Variants in SRBD1 observed in about 807,000 individuals in gnomAD.
SRBD1 encodes S1 RNA-binding domain-containing protein 1.
SRBD1 carries 88 observed loss-of-function variants against 115.3 expected under a neutral mutation model. The observed-to-expected ratio is 0.76, with a 90% confidence interval of 0.64 to 0.91. The LOEUF is 0.91. SRBD1 is among the 40% of genes least tolerant of loss of function. The pLI is 0.00. For synonymous variants in SRBD1, 509 were observed against 407.7 expected (o/e 1.25, Z -2.99); for missense variants, 1,385 against 1,177.4 (o/e 1.18, Z -2.58).
At chr2:45,470,431 T>C (rs1057061348) in intron 16 of SRBD1, among the ~76,000 whole-genome samples, 3 of 152,142 alleles carry the variant, frequency 2.0e-5, no homozygotes, top group Non-Finnish European at 4.4e-5. Flanking sequence ...AAAACTTATT[T>C]TGGCCAACCA....
intron 4 of SRBD1, among the ~76,000 whole-genome samples, chr2:45,586,383 G>C (rs934507774): frequency 6.6e-6 from 1 of 152,126 alleles, no homozygotes; most frequent in Non-Finnish European, 1.5e-5. Flanking sequence ...AAGCATTTAA[G>C]AATCTGAGGC....
rs115794329 is a variant in SRBD1 at position 45,451,467 on chromosome 2, C to A, written c.2049+25526G>T. On this transcript the variant is annotated intron_variant, in intron 16 of 20. Coordinates refer to ENST00000263736, the MANE Select transcript of SRBD1 (RefSeq NM_018079.5). ...TATACAATAAACTGATATTAAATGA[C>A]AGAGTACTAGGTATGACATACTATC... Among the ~76,000 whole-genome samples, 777 of 151,948 alleles carry A rather than the reference C, an allele frequency of 5.1e-3. 7 individuals are homozygous for A. The highest frequency in any genetic ancestry group is 0.018 in the African/African-American group (745 of 41,456).
At chr2:45,406,569 A>ACTC (rs1213769422) in intron 19 of SRBD1, among the ~76,000 whole-genome samples, 1 of 151,996 alleles carries the variant, frequency 6.6e-6, no homozygotes, top group Non-Finnish European at 1.5e-5. Flanking sequence ...TGAACACGCT[A>ACTC]CTCCTGCTCT....
chr2:45,595,884 A>G (rs1878385), intron 4 of SRBD1, among the ~76,000 whole-genome samples: 122,850 of 152,106 alleles, frequency 0.81, 50,346 homozygotes, highest in African/African-American at 0.92. Context: ...AATTGCCATC[A>G]GATTGCTCAG....
At position 45,528,780 on chromosome 2, in the gene SRBD1, G is replaced by T. The variant is rs1320135020; in HGVS notation, c.1874+17952C>A. Among the ~76,000 whole-genome samples the T allele has an allele frequency of 3.3e-5, 5 of 151,772 alleles. No homozygotes were observed. In the South Asian group the frequency reaches 1.0e-3, roughly 31 times the overall value. On this transcript the variant is annotated intron_variant, in intron 14 of 20. Coordinates refer to ENST00000263736, the MANE Select transcript of SRBD1 (RefSeq NM_018079.5). ...GTCTAAGTTTAAGAGTGGGGAAGAG[G>T]TACAAGAATGCCTAGAAAAAATGAT...
At chr2:45,583,243 T>C (rs565083961) in intron 5 of SRBD1, among the ~76,000 whole-genome samples, 3 of 151,766 alleles carry the variant, frequency 2.0e-5, no homozygotes, top group Non-Finnish European at 2.9e-5. Context: ...CAGAAGACTA[T>C]AAATTAAAGA....
At chr2:45,605,293 ACAGAATG>A (rs766340759) in intron 2 of SRBD1, 62 bp downstream of exon 2, 123 of 1,455,210 alleles carry the variant, frequency 8.5e-5, no homozygotes, top group Non-Finnish European at 1.1e-4. Context: ...TTAGAAAGTG[ACAGAATG>A]CATTACTCCT....
intron 7 of SRBD1, among the ~76,000 whole-genome samples, chr2:45,577,669 A>T (rs988362290): frequency 5.9e-5 from 9 of 152,256 alleles, no homozygotes; most frequent in African/African-American, 2.2e-4. Flanking sequence ...GGAAAAAAAA[A>T]ACTGAACTAT....
At chr2:45,542,595 G>A (rs1671980628) in intron 14 of SRBD1, among the ~76,000 whole-genome samples, 1 of 152,198 alleles carries the variant, frequency 6.6e-6, no homozygotes, top group African/African-American at 2.4e-5. Context: ...ATTGTTGGTG[G>A]GAAAGTAAGA....
At chr2:45,588,802 A>T (rs930335920) in intron 4 of SRBD1, among the ~76,000 whole-genome samples, 1 of 152,218 alleles carries the variant, frequency 6.6e-6, no homozygotes, top group African/African-American at 2.4e-5. Flanking sequence ...TTTTATTGTT[A>T]TGAGGATGGT....
intron 14 of SRBD1, among the ~76,000 whole-genome samples, chr2:45,520,079 T>TA (rs1217325853): frequency 2.6e-5 from 4 of 151,970 alleles, no homozygotes; most frequent in Admixed American, 6.6e-5. Context: ...AGGACAAAAG[T>TA]AAAAAAATAG....
intron 14 of SRBD1, among the ~76,000 whole-genome samples, chr2:45,493,382 T>C (rs969769008): frequency 6.6e-6 from 1 of 152,146 alleles, no homozygotes; most frequent in African/African-American, 2.4e-5. Flanking sequence ...CCACGAACAG[T>C]GGGGGCTCTG....
intron 14 of SRBD1, among the ~76,000 whole-genome samples, chr2:45,513,091 C>G (rs973293805): frequency 2.6e-5 from 4 of 152,198 alleles, no homozygotes; most frequent in Non-Finnish European, 5.9e-5. Flanking sequence ...GCTATATACC[C>G]CCATGGCCTC....
At position 45,393,098 on chromosome 2, in the gene SRBD1, C is replaced by T. The variant is rs199990809; in HGVS notation, c.2545G>A (p.Glu849Lys). Residue 849 changes from glutamate (E) to lysine (K), a missense_variant, in exon 20 of 21, where the codon GAG becomes AAG. By Grantham distance (56) the Glu-to-Lys change is moderately conservative. Transcript: ENST00000263736. ...FLSSIGGTLY[E>K]VGKPEMQQKI... ...TGTTGCATTTCAGGCTTTCCAACCT[C>T]ATACAGTGTCCCTCCAATGGATGAC... 2.5e-4 allele frequency: 406 copies of T among 1,612,506 alleles called. 1 individual carries two copies. The Middle Eastern group carries it at 2.6e-3, about 11-fold the overall frequency.
At chr2:45,443,907 G>T (rs1477974539) in intron 16 of SRBD1, among the ~76,000 whole-genome samples, 2 of 151,526 alleles carry the variant, frequency 1.3e-5, no homozygotes, top group Admixed American at 1.3e-4. Flanking sequence ...CATCAGACCA[G>T]GCGCTTAATC....
In SRBD1 at chr2:45,562,797, T is replaced by C. The variant is rs199818948; in HGVS notation, c.1306-41A>G. On this transcript the variant is annotated intron_variant, in intron 9 of 20. Coordinates refer to ENST00000263736, the MANE Select transcript of SRBD1 (RefSeq NM_018079.5). The stretch of plus-strand genomic sequence containing the variant: ...AGGCAAAGACTAATAATCCACAAAA[T>C]ATATGAAACAAATCAGGCGACTATG... 1,897 of 1,377,736 alleles carry C rather than the reference T, an allele frequency of 1.4e-3. 6 individuals are homozygous for C. Among genetic ancestry groups the C allele is most frequent in the Admixed American group, 4.3e-3 (195 of 45,406 alleles). 85.3% of individuals were successfully genotyped at this position (1,377,736 alleles called of 1,614,324 possible). A position where few individuals can be genotyped will look rare whatever the true frequency, so the allele number is the denominator to read the frequency against.
chr2:45,507,158 GA>G (rs1670823901), intron 14 of SRBD1, among the ~76,000 whole-genome samples: 1 of 152,114 alleles, frequency 6.6e-6, no homozygotes, highest in African/African-American at 2.4e-5. Flanking sequence ...ACATGAAATG[GA>G]AAAGCTCTGC....
At chr2:45,497,911 G>T (rs1165326352) in intron 14 of SRBD1, among the ~76,000 whole-genome samples, 1 of 152,062 alleles carries the variant, frequency 6.6e-6, no homozygotes, top group Non-Finnish European at 1.5e-5. Context: ...ACATGCACCT[G>T]TAATCCCAGC....
intron 14 of SRBD1, among the ~76,000 whole-genome samples, chr2:45,510,574 A>C (rs1041301293): frequency 2.0e-5 from 3 of 152,244 alleles, no homozygotes; most frequent in African/African-American, 4.8e-5. Flanking sequence ...CAGGGTTTAT[A>C]AAGTGCTGTT....
Sources: gnomAD v4.1 joint callset for allele counts (sites outside exome capture counted in the v4.1 genomes callset) on GRCh38, gnomAD v4.1.1 for gene constraint, MANE v1.5 for transcripts, NCBI Gene and HGNC (gene_info 2026-07-23, HGNC 2026-07-21) for gene names.